Variants in AKAP13 observed in about 807,000 individuals in gnomAD.
AKAP13 encodes A-kinase anchor protein 13.
Under a neutral mutation model 264.5 loss-of-function variants are expected in AKAP13, and 80 were observed. The ratio of observed to expected loss-of-function variants is 0.30; its 90% CI spans 0.25 to 0.36. AKAP13 has a LOEUF of 0.36. Among genes scored for constraint, AKAP13 ranks in the 10% least tolerant of loss-of-function variants. The pLI is 1.00. For synonymous variants in AKAP13, 1,380 were observed against 1,250.2 expected (o/e 1.10, Z -2.19); for missense variants, 3,712 against 3,435.2 (o/e 1.08, Z -2.01).
At chr15:85,487,869 C>T (rs1431639582) in intron 2 of AKAP13, among the ~76,000 whole-genome samples, 1 of 151,542 alleles carries the variant, frequency 6.6e-6, no homozygotes, top group African/African-American at 2.4e-5. Context: ...GTAGCTAGGA[C>T]TACAGGTGTG....
chr15:85,655,380 G>T, intron 10 of AKAP13, 37 bp from the exon 11 acceptor site: 5 of 1,587,972 alleles, frequency 3.1e-6, no homozygotes, highest in Non-Finnish European at 4.3e-6. Flanking sequence ...GATTGGCCCT[G>T]CTGGCTTCAA....
At chr15:85,682,105 G>A (rs1208816649) in intron 14 of AKAP13, 53 bp from the exon 15 acceptor site, 8 of 1,501,106 alleles carry the variant, frequency 5.3e-6, no homozygotes, top group Admixed American at 1.7e-5. Flanking sequence ...TATTCTACCC[G>A]GCATCAGTGT....
At chr15:85,736,420 T>C (rs2088508148) in intron 33 of AKAP13, among the ~76,000 whole-genome samples, 1 of 129,770 alleles carries the variant, frequency 7.7e-6, no homozygotes, top group Non-Finnish European at 1.8e-5. Flanking sequence ...TCTTGCTGTT[T>C]TTTTGTTTGT....
chr15:85,559,573 C>T (rs920985514), intron 5 of AKAP13, among the ~76,000 whole-genome samples: 6 of 152,168 alleles, frequency 3.9e-5, no homozygotes, highest in South Asian at 4.1e-4. Context: ...TGCAGCTAAA[C>T]AGTCCCATCA....
intron 2 of AKAP13, among the ~76,000 whole-genome samples, chr15:85,501,643 C>A (rs918416011): frequency 2.1e-4 from 32 of 152,182 alleles, no homozygotes; most frequent in Admixed American, 1.9e-3. Flanking sequence ...TCTTAATGAT[C>A]TCATGAGATA....
chr15:85,718,111 C>T lies in AKAP13; in HGVS notation c.5953C>T (p.Leu1985=), dbSNP rs201897525. ...SWSRIIDSKF[L]KQQKKDVVKR... is the part of the protein sequence containing the mutation. ...GAGTCGGATAATAGACAGCAAGTTT[C>T]TAAAACAGCAAAAGAAAGATGTGGT... Residue 1985 remains leucine (L), a synonymous_variant, in exon 22 of 37, where the codon CTA becomes TTA. Coordinates refer to ENST00000394518, the MANE Select transcript of AKAP13 (RefSeq NM_007200.5). The surrounding 1 kb of genome is among the most constrained non-coding windows in gnomAD (Gnocchi z 4.9). 8 of 1,614,084 alleles carry T rather than the reference C, an allele frequency of 5.0e-6. No homozygotes were observed. The highest frequency in any genetic ancestry group is 5.9e-6 in the Non-Finnish European group (7 of 1,179,988).
chr15:85,450,026 G>A (rs2074027808), intron 1 of AKAP13, among the ~76,000 whole-genome samples: 1 of 152,130 alleles, frequency 6.6e-6, no homozygotes, highest in African/African-American at 2.4e-5. Flanking sequence ...AGTAGAATTA[G>A]GCTGTGAATC....
chr15:85,533,505 A>C, intron 3 of AKAP13, 79 bp from the exon 4 acceptor site: 2 of 1,320,336 alleles, frequency 1.5e-6, no homozygotes, highest in Non-Finnish European at 2.0e-6. Flanking sequence ...TCGTGAAATA[A>C]GAGCTAAGAG....
intron 2 of AKAP13, among the ~76,000 whole-genome samples, chr15:85,495,628 T>C (rs2075849427): frequency 6.6e-6 from 1 of 152,216 alleles, no homozygotes; most frequent in Admixed American, 6.5e-5. Flanking sequence ...ATTTCAATTT[T>C]TTCCAAGGCA....
intron 10 of AKAP13, among the ~76,000 whole-genome samples, chr15:85,653,214 A>G (rs1369974411): frequency 1.3e-5 from 2 of 152,232 alleles, no homozygotes; most frequent in African/African-American, 4.8e-5. Flanking sequence ...TTTATTTTAC[A>G]GAGTGACCCA....
chr15:85,642,346 C>T (rs2082346176), intron 9 of AKAP13, among the ~76,000 whole-genome samples: 1 of 152,188 alleles, frequency 6.6e-6, no homozygotes, highest in Admixed American at 6.5e-5. Context: ...AGTAGTCAGA[C>T]CTAGATTTAA....
intron 1 of AKAP13, among the ~76,000 whole-genome samples, chr15:85,454,684 A>G (rs547715632): frequency 6.6e-6 from 1 of 152,272 alleles, no homozygotes. Flanking sequence ...TTCACATGCT[A>G]TATAACTTAC....
At chr15:85,742,580 C>T (rs1054383325) in intron 35 of AKAP13, among the ~76,000 whole-genome samples, 12 of 152,234 alleles carry the variant, frequency 7.9e-5, no homozygotes, top group African/African-American at 2.9e-4. Context: ...CCTGATTTGC[C>T]TCTCTACTGC....
chr15:85,418,503 C>T (rs967341994), intron 1 of AKAP13, among the ~76,000 whole-genome samples: 3 of 152,108 alleles, frequency 2.0e-5, no homozygotes, highest in African/African-American at 4.8e-5. Context: ...GCTGGTGGCT[C>T]TATAATGGGA....
chr15:85,653,312 T>A (rs2151513195), intron 10 of AKAP13, among the ~76,000 whole-genome samples: 1 of 152,326 alleles, frequency 6.6e-6, no homozygotes, highest in East Asian at 1.9e-4. Context: ...ATAGGGCAAT[T>A]TGAGTTGAAA....
At chr15:85,425,035 A>G (rs1036927339) in intron 1 of AKAP13, among the ~76,000 whole-genome samples, 1 of 152,238 alleles carries the variant, frequency 6.6e-6, no homozygotes, top group African/African-American at 2.4e-5. Flanking sequence ...ATCAATGATC[A>G]CAGATTACCA....
At chr15:85,573,660 A>G (rs1308714834) in intron 5 of AKAP13, among the ~76,000 whole-genome samples, 2 of 152,192 alleles carry the variant, frequency 1.3e-5, no homozygotes, top group East Asian at 3.8e-4. Flanking sequence ...GGGTTGATGG[A>G]AAGCATAATC....
chr15:85,677,240 C>A, intron 14 of AKAP13: 3 of 751,622 alleles, frequency 4.0e-6, no homozygotes, highest in Non-Finnish European at 4.9e-6. Context: ...TGTCTTTATG[C>A]TTGCCTTTGA....
chr15:85,601,793 A>G (rs2080090540), intron 8 of AKAP13, among the ~76,000 whole-genome samples: 1 of 152,216 alleles, frequency 6.6e-6, no homozygotes, highest in South Asian at 2.1e-4. Flanking sequence ...TTACTGTATT[A>G]GAAGTTAAAA....
Sources: allele counts gnomAD v4.1 joint callset (sites outside exome capture counted in the v4.1 genomes callset), GRCh38; gene constraint gnomAD v4.1.1; non-coding constraint Gnocchi (gnomAD v3.1); transcripts MANE v1.5; gene names NCBI Gene and HGNC (gene_info 2026-07-23, HGNC 2026-07-21).